Variants in CSMD1 observed in about 807,000 individuals in gnomAD.
The protein encoded by CSMD1 is CUB and Sushi multiple domains 1.
A neutral mutation model predicts 417.5 loss-of-function variants in CSMD1; 213 were observed. That is an observed-to-expected ratio of 0.51 (90% CI 0.46 to 0.57). The LOEUF (loss-of-function observed/expected upper bound fraction) is 0.57, where lower values mean the gene tolerates loss of function less well. CSMD1 is among the 20% of genes least tolerant of loss of function. The pLI is 0.00. For missense variants in CSMD1, 6,923 were observed against 4,529.7 expected, an observed-to-expected ratio of 1.53 and a Z score of -15.17; for synonymous variants, 2,862 against 1,736.8, an observed-to-expected ratio of 1.65 and a Z score of -16.11.
At chr8:3,519,047 A>T (rs536910420) in intron 10 of CSMD1, among the ~76,000 whole-genome samples, 2 of 152,330 alleles carry the variant, frequency 1.3e-5, no homozygotes, top group East Asian at 3.9e-4. Flanking sequence ...GCAACATTTT[A>T]AAAATCCTCT....
At chr8:4,118,226 C>G (rs1053544530) in intron 3 of CSMD1, among the ~76,000 whole-genome samples, 18 of 152,186 alleles carry the variant, frequency 1.2e-4, no homozygotes, top group African/African-American at 1.4e-4. Context: ...ATTTTTAGCA[C>G]ATGCTTTGTT....
intron 6 of CSMD1, among the ~76,000 whole-genome samples, chr8:3,726,053 G>T (rs1802476772): frequency 6.6e-6 from 1 of 152,148 alleles, no homozygotes; most frequent in South Asian, 2.1e-4. Context: ...GCAGCTCTCA[G>T]GAAATCAACA....
chr8:3,026,156 T>A (rs1390906113), intron 51 of CSMD1, among the ~76,000 whole-genome samples: 1 of 152,110 alleles, frequency 6.6e-6, no homozygotes, highest in African/African-American at 2.4e-5. Flanking sequence ...ACTAAGTCCT[T>A]CCTGAAGTCA....
intron 5 of CSMD1, among the ~76,000 whole-genome samples, chr8:3,764,480 C>G (rs1206048019): frequency 6.6e-6 from 1 of 152,160 alleles, no homozygotes; most frequent in African/African-American, 2.4e-5. Context: ...GAGGCACCCA[C>G]AATCTTTGAG....
intron 2 of CSMD1, among the ~76,000 whole-genome samples, chr8:4,538,001 C>A (rs1797186007): frequency 6.6e-6 from 1 of 152,206 alleles, no homozygotes; most frequent in Non-Finnish European, 1.5e-5. Flanking sequence ...TGCTCTGCGT[C>A]ATGGTTTTCA....
In CSMD1 at chr8:4,994,479, G is replaced by A; in HGVS notation, c.-63C>T. On this transcript the variant is annotated 5_prime_UTR_variant, in exon 1 of 70. Transcript: ENST00000635120. Reference sequence around the variant, plus strand: ...TCCTCCGAGGAAGGCAGGGCTATGAGCGGAGCCAAATAATCACCCGAGGGC... The same window carrying A: ...TCCTCCGAGGAAGGCAGGGCTATGAACGGAGCCAAATAATCACCCGAGGGC... 6.8e-7 allele frequency: 1 copy of A among 1,470,078 alleles called. No individual in the cohort carries two copies. The highest frequency in any genetic ancestry group is 9.4e-7 in the Non-Finnish European group (1 of 1,063,914). The allele number at this position is 1,470,078 out of a possible 1,614,324, so 91.1% of individuals were successfully genotyped here.
intron 1 of CSMD1, among the ~76,000 whole-genome samples, chr8:4,726,273 G>C (rs990866000): frequency 1.3e-5 from 2 of 151,050 alleles, no homozygotes; most frequent in African/African-American, 4.9e-5. Flanking sequence ...CCGCTTCTTT[G>C]ATCCTTTGTA....
intron 2 of CSMD1, among the ~76,000 whole-genome samples, chr8:4,453,574 A>G (rs1207186251): frequency 6.6e-6 from 1 of 152,152 alleles, no homozygotes. Context: ...ACTGGCTTAT[A>G]TCGCTTGAAC....
intron 3 of CSMD1, among the ~76,000 whole-genome samples, chr8:4,092,821 T>C (rs924849216): frequency 6.6e-6 from 1 of 152,212 alleles, no homozygotes; most frequent in Non-Finnish European, 1.5e-5. Context: ...ATTTTTAATT[T>C]GTTTTGATCA....
chr8:4,362,416 T>G (rs1801824959), intron 3 of CSMD1, among the ~76,000 whole-genome samples: 1 of 152,150 alleles, frequency 6.6e-6, no homozygotes, highest in African/African-American at 2.4e-5. Flanking sequence ...TCCGAGGGAT[T>G]AGATGTAACT....
chr8:3,617,588 T>C (rs1317140664), intron 7 of CSMD1, among the ~76,000 whole-genome samples: 1 of 152,200 alleles, frequency 6.6e-6, no homozygotes, highest in Non-Finnish European at 1.5e-5. Flanking sequence ...GCTAATAAAG[T>C]GCATATCTAT....
rs377287620 is a variant in CSMD1 at position 3,998,064 on chromosome 8, G to A, written c.657C>T (p.Ile219=). The A allele has an allele frequency of 2.2e-4, 353 of 1,593,974 alleles. No homozygotes were observed. Among genetic ancestry groups the A allele is most frequent in the African/African-American group, 6.0e-4 (45 of 74,572 alleles). Residue 219 remains isoleucine (I), a synonymous_variant, in exon 5 of 70, where the codon ATC becomes ATT. Coordinates refer to ENST00000635120, the MANE Select transcript of CSMD1 (RefSeq NM_033225.6). ...ACTCTGAAGGGAAGTGCGGGCTGGAGATGGAGCTGCTGGTCCCGCGTAAGG... is the reference window on the plus strand; with the variant it reads ...ACTCTGAAGGGAAGTGCGGGCTGGAAATGGAGCTGCTGGTCCCGCGTAAGG... The part of the protein sequence containing the change: ...GGTLRGTSSS[I]SSPHFPSEYE...
chr8:4,687,052 T>C (rs1440104717), intron 1 of CSMD1, among the ~76,000 whole-genome samples: 5 of 152,156 alleles, frequency 3.3e-5, no homozygotes, highest in Non-Finnish European at 7.4e-5. Flanking sequence ...GCAGATGTCT[T>C]CTGAGGCTGA....
chr8:4,009,461 T>A (rs914200229), intron 4 of CSMD1, among the ~76,000 whole-genome samples: 3 of 152,216 alleles, frequency 2.0e-5, no homozygotes, highest in Non-Finnish European at 4.4e-5. Context: ...AAATAAGCTA[T>A]GATACATTCA....
intron 3 of CSMD1, among the ~76,000 whole-genome samples, chr8:4,133,796 C>G (rs1011803206): frequency 6.6e-6 from 1 of 152,066 alleles, no homozygotes; most frequent in Non-Finnish European, 1.5e-5. Flanking sequence ...TATCTATAGC[C>G]ATGCCACTCT....
At chr8:4,959,493 A>G (rs1338967604) in intron 1 of CSMD1, among the ~76,000 whole-genome samples, 1 of 152,198 alleles carries the variant, frequency 6.6e-6, no homozygotes, top group Non-Finnish European at 1.5e-5. Flanking sequence ...TGTTTGTTCT[A>G]TCTTCAAACG....
intron 3 of CSMD1, among the ~76,000 whole-genome samples, chr8:4,373,771 G>A (rs1301730294): frequency 6.6e-6 from 1 of 152,140 alleles, no homozygotes; most frequent in East Asian, 1.9e-4. Flanking sequence ...TTCTCCCTGG[G>A]GCACTTTTTC....
intron 1 of CSMD1, among the ~76,000 whole-genome samples, chr8:4,945,634 G>A (rs12681508): frequency 0.51 from 76,932 of 151,810 alleles, 20,747 homozygotes; most frequent in East Asian, 0.79. Context: ...AGGTGATAAA[G>A]TTTGAATATT....
At chr8:4,479,387 G>A (rs183847710) in intron 2 of CSMD1, among the ~76,000 whole-genome samples, 13 of 152,116 alleles carry the variant, frequency 8.5e-5, no homozygotes, top group African/African-American at 3.1e-4. Context: ...ATTATAGTTA[G>A]CAGGTAGAGC....
Sources: allele counts gnomAD v4.1 joint callset (sites outside exome capture counted in the v4.1 genomes callset), GRCh38; gene constraint gnomAD v4.1.1; transcripts MANE v1.5; gene names NCBI Gene and HGNC (gene_info 2026-07-23, HGNC 2026-07-21).